Variants in QSER1 observed in about 807,000 individuals in gnomAD.
QSER1 encodes glutamine and serine rich 1, also known as glutamine and serine-rich protein 1.
A neutral mutation model predicts 158.5 loss-of-function variants in QSER1; 49 were observed. That is an observed-to-expected ratio of 0.31 (90% CI 0.25 to 0.39). The LOEUF is 0.39. QSER1 is among the 10% of genes least tolerant of loss of function. The pLI is 1.00. For synonymous variants in QSER1, 650 were observed against 715.5 expected, an observed-to-expected ratio of 0.91 and a Z score of 1.46; for missense variants, 1,754 against 2,010.3, an observed-to-expected ratio of 0.87 and a Z score of 2.44.
At chr11:32,937,602 G>A (rs1275755500) in intron 4 of QSER1, among the ~76,000 whole-genome samples, 2 of 152,092 alleles carry the variant, frequency 1.3e-5, no homozygotes, top group East Asian at 1.9e-4. Context: ...ATTTTTTCTC[G>A]CCAGTCTCTA....
At chr11:32,929,984 C>A (rs545136039) in intron 3 of QSER1, among the ~76,000 whole-genome samples, 5 of 152,208 alleles carry the variant, frequency 3.3e-5, no homozygotes, top group Admixed American at 3.3e-4. Flanking sequence ...GTGATAATGT[C>A]AGTCACTATG....
chr11:32,897,526 T>G (rs1460770587), intron 1 of QSER1, among the ~76,000 whole-genome samples: 1 of 152,226 alleles, frequency 6.6e-6, no homozygotes, highest in Non-Finnish European at 1.5e-5. Flanking sequence ...CCTCCTACTT[T>G]TCTGGCCCAA....
At position 32,934,803 on chromosome 11, in the gene QSER1, A is replaced by AT; in HGVS notation, c.3546dup (p.Ala1183CysfsTer7). The stretch of plus-strand genomic sequence containing the variant: ...CTGTTGGCCATGGCCCAATCTGGGG[A>AT]TGCAGTCAGTGTCAAGATTGAAGAA... On this transcript the variant is annotated frameshift_variant, in exon 4 of 13. Coordinates refer to ENST00000650167, the MANE Select transcript of QSER1 (RefSeq NM_001076786.3). LOFTEE classifies it high-confidence loss of function. 1 of 1,614,048 alleles carries AT rather than the reference A, an allele frequency of 6.2e-7. No homozygotes were observed. Among genetic ancestry groups the AT allele is most frequent in the Non-Finnish European group, 8.5e-7 (1 of 1,179,988 alleles).
At chr11:32,917,427 G>T (rs528185773) in intron 1 of QSER1, among the ~76,000 whole-genome samples, 1 of 152,210 alleles carries the variant, frequency 6.6e-6, no homozygotes, top group South Asian at 2.1e-4. Flanking sequence ...GGAGGCATGA[G>T]ATTTTATTAA....
At chr11:32,939,709 A>G (rs961962357) in intron 4 of QSER1, among the ~76,000 whole-genome samples, 2 of 152,142 alleles carry the variant, frequency 1.3e-5, no homozygotes, top group Non-Finnish European at 2.9e-5. Context: ...CTGTTTTAGC[A>G]GTTAGCCTAG....
At chr11:32,950,583 A>G (rs1852405846) in intron 4 of QSER1, among the ~76,000 whole-genome samples, 1 of 152,232 alleles carries the variant, frequency 6.6e-6, no homozygotes, top group Non-Finnish European at 1.5e-5. Flanking sequence ...ATACAATAAC[A>G]TCCACCCATT....
chr11:32,937,547 C>A (rs192956343), intron 4 of QSER1, among the ~76,000 whole-genome samples: 33 of 152,244 alleles, frequency 2.2e-4, no homozygotes, highest in Admixed American at 1.1e-3. Context: ...CTTGGCCTCC[C>A]AAAGTGCTGG....
chr11:32,895,697 T>A (rs1851545572), intron 1 of QSER1, among the ~76,000 whole-genome samples: 1 of 152,240 alleles, frequency 6.6e-6, no homozygotes, highest in Admixed American at 6.5e-5. Flanking sequence ...TTGTTTCCTG[T>A]AACCTATTCA....
At chr11:32,927,513 T>G (rs1713998286) in intron 2 of QSER1, among the ~76,000 whole-genome samples, 1 of 152,158 alleles carries the variant, frequency 6.6e-6, no homozygotes, top group Admixed American at 6.5e-5. Context: ...GTTCAAGTGA[T>G]TCTCCTGCTT....
At chr11:32,966,174 G>T (rs959009365) in intron 8 of QSER1, 126 bp from the exon 9 acceptor site, 2 of 1,018,430 alleles carry the variant, frequency 2.0e-6, no homozygotes, top group African/African-American at 3.3e-5. Flanking sequence ...TTAAAGGTAA[G>T]GTGAGAAAGT....
intron 4 of QSER1, among the ~76,000 whole-genome samples, chr11:32,953,450 C>T (rs1043916414): frequency 2.6e-5 from 4 of 151,958 alleles, no homozygotes; most frequent in Non-Finnish European, 5.9e-5. Context: ...AACTCCTGGG[C>T]CCAAGCAATT....
At chr11:32,903,282 A>T (rs560649805) in intron 1 of QSER1, among the ~76,000 whole-genome samples, 171 of 151,922 alleles carry the variant, frequency 1.1e-3, no homozygotes, top group African/African-American at 4.0e-3. Context: ...AGCACCTCTC[A>T]TATTCTAGAC....
At chr11:32,958,991 A>G (rs1852574217) in intron 8 of QSER1, among the ~76,000 whole-genome samples, 1 of 152,194 alleles carries the variant, frequency 6.6e-6, no homozygotes, top group Non-Finnish European at 1.5e-5. Context: ...TTATGTAGGT[A>G]TATCTATTGA....
intron 10 of QSER1, among the ~76,000 whole-genome samples, chr11:32,972,232 T>A (rs1852876240): frequency 6.6e-6 from 1 of 152,014 alleles, no homozygotes; most frequent in African/African-American, 2.4e-5. Flanking sequence ...ATAGGAGGAC[T>A]TCAACATTTT....
In QSER1 at chr11:32,976,349, A is replaced by G. The variant is rs529298099; in HGVS notation, c.5470A>G (p.Lys1824Glu). Residue 1824 changes from lysine to glutamate, a missense_variant, in exon 13 of 13, where the codon AAA becomes GAA. Coordinates refer to ENST00000650167, the MANE Select transcript of QSER1 (RefSeq NM_001076786.3). Reference protein sequence around the residue: ...ICKDEISSVQKKNEDLGQEEI... With the variant: ...ICKDEISSVQEKNEDLGQEEI... ...CTTTTTTTAGATTTCTTCGGTGCAG[A>G]AAAAAAATGAAGATTTAGGACAGGA... The G allele has an allele frequency of 1.1e-5, 18 of 1,582,988 alleles. No individual in the cohort carries two copies. Among genetic ancestry groups the G allele is most frequent in the East Asian group, 6.8e-5 (3 of 43,934 alleles).
rs994473946 is a variant in QSER1, at chr11:32,893,536, G to T, written c.209+202G>T. Among the ~76,000 whole-genome samples the T allele has an allele frequency of 1.3e-5, 2 of 152,188 alleles. No individual in the cohort carries two copies. Among genetic ancestry groups the T allele is most frequent in the African/African-American group, 2.4e-5 (1 of 41,438 alleles). On this transcript the variant is annotated intron_variant, in intron 1 of 12. Transcript: ENST00000650167. This position sits in a 1 kb window ranked among gnomAD's most constrained non-coding sequence, Gnocchi z 4.7. ...TGGGGGCGCCCGGTGCAGGATTCGC[G>T]CCTGGGGACGGCGGGTGAAGGAATA...
intron 1 of QSER1, among the ~76,000 whole-genome samples, chr11:32,916,626 CT>C (rs755851784): frequency 2.0e-5 from 3 of 152,180 alleles, no homozygotes; most frequent in Non-Finnish European, 4.4e-5. Context: ...TGTACAGGAT[CT>C]TACTGCCCTG....
At chr11:32,948,624 A>C (rs898281630) in intron 4 of QSER1, among the ~76,000 whole-genome samples, 1 of 152,198 alleles carries the variant, frequency 6.6e-6, no homozygotes, top group African/African-American at 2.4e-5. Flanking sequence ...GCTAGATGCT[A>C]TCTCTTAAAA....
At chr11:32,894,816 T>G (rs575581374) in intron 1 of QSER1, among the ~76,000 whole-genome samples, 44 of 152,326 alleles carry the variant, frequency 2.9e-4, no homozygotes, top group Non-Finnish European at 2.4e-4. Flanking sequence ...TTGTATTACA[T>G]ACAAGTAAGC....
Sources: gnomAD v4.1 joint callset for allele counts (sites outside exome capture counted in the v4.1 genomes callset) on GRCh38, gnomAD v4.1.1 for gene constraint, Gnocchi (gnomAD v3.1) non-coding constraint, MANE v1.5 for transcripts, NCBI Gene and HGNC (gene_info 2026-07-23, HGNC 2026-07-21) for gene names.